The following ARF4 variants were observed in gnomAD, a reference collection of about 807,000 sequenced individuals.
ARF4 encodes the protein ARF GTPase 4, also known as ADP-ribosylation factor 4.
A neutral mutation model predicts 24.3 loss-of-function variants in ARF4; 5 were observed. The ratio of observed to expected loss-of-function variants is 0.21; its 90% CI spans 0.11 to 0.43. The LOEUF is 0.43. Ranked by LOEUF, ARF4 falls within the 20% of genes least tolerant of loss-of-function variation. The pLI is 1.00. For missense variants in ARF4, 107 were observed against 213.0 expected, an observed-to-expected ratio of 0.50 and a Z score of 3.10; for synonymous variants, 62 against 73.5, an observed-to-expected ratio of 0.84 and a Z score of 0.80.
chr3:57,592,370 C>T (rs1005463510), intron 1 of ARF4, among the ~76,000 whole-genome samples: 9 of 152,096 alleles, frequency 5.9e-5, no homozygotes, highest in Non-Finnish European at 8.8e-5. Flanking sequence ...GGCCTGTAAT[C>T]CCAGCTACTG....
chr3:57,588,945 A>G (rs2070070762), intron 1 of ARF4, among the ~76,000 whole-genome samples: 3 of 152,134 alleles, frequency 2.0e-5, no homozygotes, highest in Admixed American at 2.0e-4. Context: ...TCTACTAAAA[A>G]TACAAAATTA....
intron 1 of ARF4, among the ~76,000 whole-genome samples, chr3:57,594,875 C>G (rs927559711): frequency 6.6e-6 from 1 of 152,170 alleles, no homozygotes; most frequent in Admixed American, 6.6e-5. Flanking sequence ...ATCAAACTTC[C>G]AAACCACCTT....
At chr3:57,586,336 G>A (rs1016635550) in intron 1 of ARF4, among the ~76,000 whole-genome samples, 3 of 152,162 alleles carry the variant, frequency 2.0e-5, no homozygotes, top group Non-Finnish European at 4.4e-5. Context: ...AGCAATGCTA[G>A]TAAGTTAAAA....
chr3:57,584,242 C>T (rs929354179), intron 2 of ARF4, 142 bp downstream of exon 2: 1 of 870,706 alleles, frequency 1.1e-6, no homozygotes, highest in South Asian at 1.7e-5. Context: ...GGATTACAGG[C>T]ATGAGCCACC....
At chr3:57,577,416 AAC>A in intron 3 of ARF4, 29 bp from the exon 4 acceptor site, 1 of 1,570,842 alleles carries the variant, frequency 6.4e-7, no homozygotes, top group Non-Finnish European at 8.8e-7. Context: ...AGTAAATTTT[AAC>A]AGTTAAACGA....
At chr3:57,594,386 C>A (rs1446994168) in intron 1 of ARF4, among the ~76,000 whole-genome samples, 1 of 152,212 alleles carries the variant, frequency 6.6e-6, no homozygotes, top group South Asian at 2.1e-4. Flanking sequence ...CCACACCTGG[C>A]CAGAAGCTAT....
chr3:57,591,183 G>A (rs994091012), intron 1 of ARF4, among the ~76,000 whole-genome samples: 3 of 152,002 alleles, frequency 2.0e-5, no homozygotes, highest in Admixed American at 6.6e-5. Context: ...TGTTCAAGAC[G>A]GTTACCATGA....
In ARF4 at chr3:57,597,055, C is replaced by T; in HGVS notation, c.67+19G>A. ...CCTGCCTTTCCCAGGTCCCGCCTGA[C>T]TCGCAGCCCCTCACTCACCCATCAA... is the stretch of plus-strand genomic sequence containing the variant. On this transcript the variant is annotated intron_variant, in intron 1 of 5. Coordinates refer to ENST00000303436, the MANE Select transcript of ARF4 (RefSeq NM_001660.4). 1.2e-6 allele frequency: 2 copies of T among 1,613,100 alleles called. No homozygotes were observed. The highest frequency in any genetic ancestry group is 2.2e-5 in the South Asian group (2 of 91,060).
At chr3:57,579,935 C>A (rs369850772) in intron 3 of ARF4, among the ~76,000 whole-genome samples, 1 of 151,710 alleles carries the variant, frequency 6.6e-6, no homozygotes, top group African/African-American at 2.4e-5. Context: ...CCTGTCTCTA[C>A]GAAAAAAATT....
intron 3 of ARF4, among the ~76,000 whole-genome samples, chr3:57,581,078 T>A (rs1051688077): frequency 6.6e-6 from 1 of 152,212 alleles, no homozygotes; most frequent in Non-Finnish European, 1.5e-5. Flanking sequence ...ATGAAATTAT[T>A]TGAAAAGCCA....
rs2070006851 is a variant in ARF4 at position 57,584,027 on chromosome 3, T to C, written c.149-20A>G. ...TAAAACCTACAAAGAAAAACAAAAA[T>C]GACCGCTGTGCAGCGTCATTAAGAA... is the stretch of plus-strand genomic sequence containing the variant. On this transcript the variant is annotated intron_variant, in intron 2 of 5. Transcript: ENST00000303436. The C allele has an allele frequency of 6.7e-7, 1 of 1,500,672 alleles. No individual in the cohort carries two copies. The highest frequency in any genetic ancestry group is 1.7e-5 in the Admixed American group (1 of 58,688). 93.0% of individuals were successfully genotyped at this position (1,500,672 alleles called of 1,614,324 possible).
intron 5 of ARF4, among the ~76,000 whole-genome samples, chr3:57,572,810 T>C (rs971534079): frequency 4.6e-5 from 7 of 152,194 alleles, no homozygotes; most frequent in African/African-American, 1.2e-4. Context: ...AAAGAAATCA[T>C]GGGGAAATTA....
intron 1 of ARF4, among the ~76,000 whole-genome samples, chr3:57,594,325 T>A (rs1241764090): frequency 6.6e-6 from 1 of 152,222 alleles, no homozygotes; most frequent in Non-Finnish European, 1.5e-5. Context: ...GGCCTCAATG[T>A]GATCCTCCCA....
chr3:57,575,766 A>G, intron 4 of ARF4, 93 bp from the exon 5 acceptor site: 2 of 1,289,438 alleles, frequency 1.6e-6, no homozygotes, highest in East Asian at 5.2e-5. Context: ...CATTAAATAC[A>G]TTATTAAACA....
At chr3:57,577,869 C>T (rs2069925257) in intron 3 of ARF4, among the ~76,000 whole-genome samples, 1 of 151,858 alleles carries the variant, frequency 6.6e-6, no homozygotes, top group Non-Finnish European at 1.5e-5. Flanking sequence ...GCCTGGGCAA[C>T]ATGGCGAAAG....
In ARF4 at chr3:57,571,655, CA is replaced by C. The variant is rs1284320940; in HGVS notation, c.*556del. On this transcript the variant is annotated 3_prime_UTR_variant, in exon 6 of 6. Transcript: ENST00000303436. Reference sequence around the variant, plus strand: ...CTAATTGGCTATCAAATCCAAACCCCACCAAGGTTAAGTTTGGCTGATGTAG... The same window carrying C: ...CTAATTGGCTATCAAATCCAAACCCCCCAAGGTTAAGTTTGGCTGATGTAG... The C allele has an allele frequency of 6.5e-6, 1 of 152,778 alleles. No homozygotes were observed. The highest frequency in any genetic ancestry group is 1.5e-5 in the Non-Finnish European group (1 of 68,140). 9.5% of individuals were successfully genotyped at this position (152,778 alleles called of 1,614,324 possible). A position where few individuals can be genotyped will look rare whatever the true frequency, so the allele number is the denominator to read the frequency against.
chr3:57,595,307 T>C (rs1201476553), intron 1 of ARF4, among the ~76,000 whole-genome samples: 2 of 152,210 alleles, frequency 1.3e-5, no homozygotes. Flanking sequence ...TTCTGGAACA[T>C]AACCATATAT....
At chr3:57,578,286 G>C (rs111828543) in intron 3 of ARF4, among the ~76,000 whole-genome samples, 4 of 151,734 alleles carry the variant, frequency 2.6e-5, no homozygotes, top group African/African-American at 9.7e-5. Context: ...TGGGCGCAGT[G>C]GCTCACTCCT....
At position 57,597,304 on chromosome 3, in the gene ARF4, C is replaced by A; in HGVS notation, c.-164G>T. 2 of 640,240 alleles carry A rather than the reference C, an allele frequency of 3.1e-6. No homozygotes were observed. Among genetic ancestry groups the A allele is most frequent in the South Asian group, 1.9e-5 (1 of 52,158 alleles). The allele number at this position is 640,240 out of a possible 1,614,324, so 39.7% of individuals were successfully genotyped here. On this transcript the variant is annotated 5_prime_UTR_variant, in exon 1 of 6. Transcript: ENST00000303436. ...CAGTGGCCCCTGTGCCGATGAAGATCCGGCACAGGAATAAGCCGGTAGAGG... is the reference window on the plus strand; with the variant it reads ...CAGTGGCCCCTGTGCCGATGAAGATACGGCACAGGAATAAGCCGGTAGAGG...
Sources: gnomAD v4.1 joint callset for allele counts (sites outside exome capture counted in the v4.1 genomes callset) on GRCh38, gnomAD v4.1.1 for gene constraint, MANE v1.5 for transcripts, NCBI Gene and HGNC (gene_info 2026-07-23, HGNC 2026-07-21) for gene names.